Variants in TYR observed in about 807,000 individuals in gnomAD.
The protein encoded by TYR is LB24-AB.
A neutral mutation model predicts 51.5 loss-of-function variants in TYR; 58 were observed. The observed-to-expected ratio is 1.13, with a 90% CI of 0.91 to 1.40. TYR has a LOEUF of 1.40. TYR is among the 40% of genes most tolerant of loss of function. TYR has a pLI of 0.00. For synonymous variants in TYR, 263 were observed against 235.2 expected (o/e 1.12, Z -1.08); for missense variants, 732 against 647.4 (o/e 1.13, Z -1.42).
At position 89,188,079 on chromosome 11, in the gene TYR, TATA is replaced by T. The variant is rs200572028; in HGVS notation, c.820-3118_820-3116del. The stretch of plus-strand genomic sequence containing the variant: ...TAAAAAAGTTAAAGGAGTTAAAAAA[TATA>T]ATAAGTTATATATATTGTTTTACTG... On this transcript the variant is annotated intron_variant, in intron 1 of 4. Coordinates refer to ENST00000263321, the MANE Select transcript of TYR (RefSeq NM_000372.5). Among the ~76,000 whole-genome samples the T allele has an allele frequency of 3.6e-3, 549 of 150,466 alleles. 5 individuals carry two copies. Among genetic ancestry groups the T allele is most frequent in the African/African-American group, 0.012 (510 of 41,250 alleles).
intron 3 of TYR, among the ~76,000 whole-genome samples, chr11:89,232,979 G>A (rs1944070897): frequency 7.0e-6 from 1 of 142,540 alleles, no homozygotes; most frequent in South Asian, 2.3e-4. Context: ...AGACAAAAAG[G>A]AAATTTGTTG....
At chr11:89,236,663 C>T (rs937773203) in intron 3 of TYR, among the ~76,000 whole-genome samples, 4 of 152,084 alleles carry the variant, frequency 2.6e-5, no homozygotes, top group Admixed American at 1.3e-4. Flanking sequence ...CTCATTTTTC[C>T]GATCAGACAG....
chr11:89,230,906 T>C (rs1450075461), intron 3 of TYR, among the ~76,000 whole-genome samples: 1 of 139,340 alleles, frequency 7.2e-6, no homozygotes, highest in Non-Finnish European at 1.6e-5. Context: ...GAGACTATGT[T>C]AAAAAAAAAA....
chr11:89,255,017 T>C (rs1437057401), intron 3 of TYR, among the ~76,000 whole-genome samples: 1 of 151,816 alleles, frequency 6.6e-6, no homozygotes, highest in East Asian at 1.9e-4. Flanking sequence ...GTGTCACTAT[T>C]ATTGTTCAGT....
At chr11:89,261,295 T>A (rs1202649918) in intron 3 of TYR, among the ~76,000 whole-genome samples, 1 of 152,088 alleles carries the variant, frequency 6.6e-6, no homozygotes, top group Non-Finnish European at 1.5e-5. Flanking sequence ...GCTAACTGGA[T>A]TTTTTAAAAT....
At chr11:89,219,105 G>C (rs1414650582) in intron 2 of TYR, among the ~76,000 whole-genome samples, 1 of 152,126 alleles carries the variant, frequency 6.6e-6, no homozygotes, top group African/African-American at 2.4e-5. Flanking sequence ...TTGCAATAAT[G>C]AAAGTTCCTT....
chr11:89,259,393 C>T (rs1944431848), intron 3 of TYR, among the ~76,000 whole-genome samples: 1 of 152,066 alleles, frequency 6.6e-6, no homozygotes, highest in African/African-American at 2.4e-5. Context: ...ACTATTTAAA[C>T]TTCTATCACT....
rs542167841 is a variant in TYR, at chr11:89,188,543, T to G, written c.820-2659T>G. On this transcript the variant is annotated intron_variant, in intron 1 of 4. Transcript: ENST00000263321. ...GAGATGATTCTGATTTGCCAATTGT[T>G]GTGGTGTAAATACTGACAATGGTAG... is the stretch of plus-strand genomic sequence containing the variant. Among the ~76,000 whole-genome samples, 11 of 152,146 alleles carry G rather than the reference T, an allele frequency of 7.2e-5. 1 individual carries two copies. The South Asian group carries it at 2.3e-3, about 32-fold the overall frequency.
At chr11:89,226,123 GAT>G (rs1943972891) in intron 2 of TYR, among the ~76,000 whole-genome samples, 1 of 151,906 alleles carries the variant, frequency 6.6e-6, no homozygotes, top group Non-Finnish European at 1.5e-5. Context: ...GCTACTCAGA[GAT>G]AAAATCTTGA....
At chr11:89,275,520 T>C (rs987710299) in intron 3 of TYR, among the ~76,000 whole-genome samples, 4 of 151,870 alleles carry the variant, frequency 2.6e-5, no homozygotes, top group African/African-American at 9.7e-5. Flanking sequence ...TTTGACTCAA[T>C]TTTTTCTTCT....
At chr11:89,245,948 A>T (rs1944262716) in intron 3 of TYR, among the ~76,000 whole-genome samples, 1 of 152,138 alleles carries the variant, frequency 6.6e-6, no homozygotes, top group Admixed American at 6.5e-5. Flanking sequence ...AAACAAAAAA[A>T]ACAAAACAGA....
At chr11:89,183,945 A>G (rs529435456) in intron 1 of TYR, among the ~76,000 whole-genome samples, 20 of 152,270 alleles carry the variant, frequency 1.3e-4, no homozygotes, top group African/African-American at 3.1e-4. Flanking sequence ...ATAGAAACGT[A>G]TAATTCCCAT....
chr11:89,225,748 A>G (rs1943968209), intron 2 of TYR, among the ~76,000 whole-genome samples: 1 of 151,798 alleles, frequency 6.6e-6, no homozygotes, highest in African/African-American at 2.4e-5. Flanking sequence ...CTCTGAAACT[A>G]TTTATGATTA....
chr11:89,185,819 A>G lies in TYR; in HGVS notation c.820-5383A>G, dbSNP rs182746620. Among the ~76,000 whole-genome samples, 275 of 152,310 alleles carry G rather than the reference A, an allele frequency of 1.8e-3. 1 individual carries two copies. Among genetic ancestry groups the G allele is most frequent in the African/African-American group, 6.3e-3 (263 of 41,568 alleles). Reference sequence around the variant, plus strand: ...CATTCATTTATGTACCACTAAGAAAAATAAAAAAATATATTTATCTTAAAA... The same window carrying G: ...CATTCATTTATGTACCACTAAGAAAGATAAAAAAATATATTTATCTTAAAA... On this transcript the variant is annotated intron_variant, in intron 1 of 4. Transcript: ENST00000263321.
intron 4 of TYR, chr11:89,294,001 CAGATAA>C (rs1341031340): frequency 8.9e-6 from 2 of 225,160 alleles, no homozygotes; most frequent in Non-Finnish European, 1.8e-5. Context: ...GATTCATTGT[CAGATAA>C]AGACTTTCTT....
chr11:89,182,734 G>T (rs1304680430), intron 1 of TYR, among the ~76,000 whole-genome samples: 3 of 151,940 alleles, frequency 2.0e-5, no homozygotes, highest in Non-Finnish European at 2.9e-5. Context: ...GGAGGTGGAG[G>T]GTTGCTTAAT....
chr11:89,214,697 G>C (rs60875088), intron 2 of TYR, among the ~76,000 whole-genome samples: 2,190 of 152,250 alleles, frequency 0.014, 49 homozygotes, highest in African/African-American at 0.051. Flanking sequence ...ATACTATGCA[G>C]CCATAAAAAA....
At chr11:89,205,861 T>TA (rs1943665530) in intron 2 of TYR, among the ~76,000 whole-genome samples, 1 of 152,116 alleles carries the variant, frequency 6.6e-6, no homozygotes, top group African/African-American at 2.4e-5. Context: ...GAAACAAAAA[T>TA]AAAATTTTAT....
At chr11:89,254,111 AT>A (rs1944361201) in intron 3 of TYR, among the ~76,000 whole-genome samples, 1 of 151,704 alleles carries the variant, frequency 6.6e-6, no homozygotes, top group African/African-American at 2.4e-5. Context: ...ACTTGTGTTT[AT>A]GTGGTATATC....
Sources: gnomAD v4.1 joint callset for allele counts (sites outside exome capture counted in the v4.1 genomes callset) on GRCh38, gnomAD v4.1.1 for gene constraint, MANE v1.5 for transcripts, NCBI Gene and HGNC (gene_info 2026-07-23, HGNC 2026-07-21) for gene names.